CDH4: variants seen among roughly 807,000 people sequenced by gnomAD.
CDH4 encodes cadherin-4.
Under a neutral mutation model 86.0 loss-of-function variants are expected in CDH4, and 33 were observed. That is an observed-to-expected ratio of 0.38 (90% CI 0.29 to 0.51). The LOEUF (loss-of-function observed/expected upper bound fraction) is 0.51, where lower values mean the gene tolerates loss of function less well. Among genes scored for constraint, CDH4 ranks in the 20% least tolerant of loss-of-function variants. The pLI is 0.86. For missense variants in CDH4, 1,114 were observed against 1,307.4 expected (o/e 0.85, Z 2.28); for synonymous variants, 555 against 549.4 (o/e 1.01, Z -0.14).
intron 2 of CDH4, among the ~76,000 whole-genome samples, chr20:61,669,777 C>T (rs1401036339): frequency 6.6e-6 from 1 of 152,198 alleles, no homozygotes; most frequent in African/African-American, 2.4e-5. Context: ...ATGAAAATAA[C>T]TTCTGACAGC....
intron 2 of CDH4, among the ~76,000 whole-genome samples, chr20:61,607,023 G>C (rs2086651057): frequency 6.6e-6 from 1 of 152,216 alleles, no homozygotes; most frequent in East Asian, 1.9e-4. Flanking sequence ...GCCGGTCTGT[G>C]GTGGGTGACA....
At chr20:61,820,004 C>A (rs536735171) in intron 4 of CDH4, among the ~76,000 whole-genome samples, 92 of 152,326 alleles carry the variant, frequency 6.0e-4, no homozygotes, top group African/African-American at 2.2e-3. Context: ...CACCTCCTGA[C>A]TTTTCCCGGG....
intron 4 of CDH4, among the ~76,000 whole-genome samples, chr20:61,806,331 C>G (rs1045592994): frequency 6.6e-6 from 1 of 152,184 alleles, no homozygotes; most frequent in Non-Finnish European, 1.5e-5. Context: ...TACCCAAAGC[C>G]TCATGCCCAG....
At chr20:61,890,973 G>A (rs1026274838) in intron 7 of CDH4, among the ~76,000 whole-genome samples, 2 of 152,126 alleles carry the variant, frequency 1.3e-5, no homozygotes, top group African/African-American at 2.4e-5. Flanking sequence ...TCCGGGTCAC[G>A]CTGCACCTCC....
At chr20:61,869,764 C>T (rs1025661074) in intron 6 of CDH4, among the ~76,000 whole-genome samples, 2 of 152,274 alleles carry the variant, frequency 1.3e-5, no homozygotes, top group East Asian at 1.9e-4. Flanking sequence ...CCCCTTCCGC[C>T]GAGGGACTGC....
intron 4 of CDH4, among the ~76,000 whole-genome samples, chr20:61,806,918 C>G (rs1292014976): frequency 6.6e-6 from 1 of 152,190 alleles, no homozygotes; most frequent in African/African-American, 2.4e-5. Flanking sequence ...TGGGTAAGAG[C>G]CGCTGCACTC....
At chr20:61,362,889 A>G (rs2084791934) in intron 2 of CDH4, among the ~76,000 whole-genome samples, 2 of 152,212 alleles carry the variant, frequency 1.3e-5, no homozygotes, top group South Asian at 4.1e-4. Flanking sequence ...CTGAGTCCAA[A>G]GATGCCATTC....
chr20:61,773,276 T>G, intron 4 of CDH4, 94 bp downstream of exon 4: 1 of 1,269,364 alleles, frequency 7.9e-7, no homozygotes, highest in East Asian at 2.6e-5. Flanking sequence ...GTTCCGCGTT[T>G]GGTGTCTGAG....
chr20:61,265,136 G>A lies in CDH4; in HGVS notation c.169+10199G>A, dbSNP rs531689797. ...ACACATACAGTGGCTCCTTCATTCA[G>A]TCCTACACATAACTCAGTGGTTCCT... On this transcript the variant is annotated intron_variant, in intron 2 of 15. Coordinates refer to ENST00000614565, the MANE Select transcript of CDH4 (RefSeq NM_001794.5). 4.3e-5 allele frequency among the ~76,000 whole-genome samples: 6 copies of A among 138,356 alleles called. 1 individual carries two copies. Among genetic ancestry groups the A allele is most frequent in the African/African-American group, 1.1e-4 (4 of 36,182 alleles). 90.8% of individuals were successfully genotyped at this position (138,356 alleles called of 152,430 possible).
chr20:61,391,259 G>A (rs2084983860), intron 2 of CDH4, among the ~76,000 whole-genome samples: 1 of 152,132 alleles, frequency 6.6e-6, no homozygotes, highest in South Asian at 2.1e-4. Context: ...TGCCATTTAG[G>A]GAGAGGGGCT....
chr20:61,927,929 C>A (rs554065656), intron 11 of CDH4, among the ~76,000 whole-genome samples: 1 of 152,110 alleles, frequency 6.6e-6, no homozygotes, highest in African/African-American at 2.4e-5. Flanking sequence ...TGTGCTTTGC[C>A]GTGTCTGTTG....
chr20:61,815,481 C>A (rs553631160), intron 4 of CDH4, among the ~76,000 whole-genome samples: 2 of 152,348 alleles, frequency 1.3e-5, no homozygotes, highest in South Asian at 2.1e-4. Context: ...TCCACCACAT[C>A]GGCCCAGGGA....
At chr20:61,836,642 A>G (rs980532442) in intron 4 of CDH4, among the ~76,000 whole-genome samples, 2 of 152,348 alleles carry the variant, frequency 1.3e-5, no homozygotes. Context: ...CCTCTTAAGT[A>G]ATGTTCAAGA....
intron 2 of CDH4, among the ~76,000 whole-genome samples, chr20:61,342,924 C>A (rs1424190260): frequency 6.6e-6 from 1 of 152,250 alleles, no homozygotes; most frequent in African/African-American, 2.4e-5. Context: ...ACATTAGCCT[C>A]TTTTAAAACA....
intron 2 of CDH4, among the ~76,000 whole-genome samples, chr20:61,624,579 A>G (rs942842185): frequency 6.6e-6 from 1 of 152,264 alleles, no homozygotes; most frequent in Non-Finnish European, 1.5e-5. Context: ...ACCAAGCCTC[A>G]GTGGCCAAAC....
intron 12 of CDH4, among the ~76,000 whole-genome samples, chr20:61,928,736 A>G (rs1568894759): frequency 2.0e-5 from 3 of 152,204 alleles, no homozygotes; most frequent in Admixed American, 6.5e-5. Flanking sequence ...ACCCTGACTG[A>G]TATGTTTCCT....
At chr20:61,715,411 G>A (rs2087942070) in intron 2 of CDH4, among the ~76,000 whole-genome samples, 1 of 152,160 alleles carries the variant, frequency 6.6e-6, no homozygotes, top group Admixed American at 6.5e-5. Context: ...TAAGGCCATG[G>A]CTTTGGCACC....
intron 2 of CDH4, among the ~76,000 whole-genome samples, chr20:61,642,248 G>A (rs1396117739): frequency 6.6e-6 from 1 of 152,192 alleles, no homozygotes; most frequent in Non-Finnish European, 1.5e-5. Flanking sequence ...AGAGGAAGGG[G>A]CCACCAAGGC....
intron 8 of CDH4, 37 bp downstream of exon 8, chr20:61,895,084 G>T: frequency 6.2e-7 from 1 of 1,607,104 alleles, no homozygotes; most frequent in East Asian, 2.2e-5. Context: ...CGCATGGCCC[G>T]TGCAGGGCAG....
Sources: allele counts gnomAD v4.1 joint callset (sites outside exome capture counted in the v4.1 genomes callset), GRCh38; gene constraint gnomAD v4.1.1; transcripts MANE v1.5; gene names NCBI Gene and HGNC (gene_info 2026-07-23, HGNC 2026-07-21).